FDX1: variants seen among roughly 807,000 people sequenced by gnomAD.
FDX1 encodes ferredoxin 1, also known as adrenodoxin, mitochondrial.
FDX1 carries 9 observed loss-of-function variants against 14.9 expected under a neutral mutation model. The ratio of observed to expected loss-of-function variants is 0.60; its 90% CI spans 0.36 to 1.05. The LOEUF (loss-of-function observed/expected upper bound fraction) is 1.05, where lower values mean the gene tolerates loss of function less well. Among genes scored for constraint, FDX1 ranks in the 50% least tolerant of loss-of-function variants. The pLI, the probability that FDX1 is intolerant of heterozygous loss-of-function variation, is 0.01. For missense variants in FDX1, 204 were observed against 237.2 expected (o/e 0.86, Z 0.92); for synonymous variants, 92 against 99.4 (o/e 0.93, Z 0.44).
At chr11:110,448,672 G>A (rs143693372) in intron 2 of FDX1, among the ~76,000 whole-genome samples, 1 of 152,116 alleles carries the variant, frequency 6.6e-6, no homozygotes, top group African/African-American at 2.4e-5. Flanking sequence ...AACAAAACTT[G>A]GTTCATGAGT....
At chr11:110,456,540 A>T in intron 2 of FDX1, among the ~76,000 whole-genome samples, 1 of 117,818 alleles carries the variant, frequency 8.5e-6, no homozygotes, top group South Asian at 2.8e-4. Flanking sequence ...TTTGAGACAG[A>T]GTCTTACTCT....
intron 2 of FDX1, among the ~76,000 whole-genome samples, chr11:110,449,818 G>A (rs1168341617): frequency 6.6e-6 from 1 of 152,056 alleles, no homozygotes; most frequent in East Asian, 1.9e-4. Context: ...AGTAAAGATG[G>A]GGTTTCACCA....
At chr11:110,432,112 TAGAC>T (rs1437982310) in intron 1 of FDX1, among the ~76,000 whole-genome samples, 12 of 152,220 alleles carry the variant, frequency 7.9e-5, no homozygotes, top group Admixed American at 2.0e-4. Context: ...AAAGTTCTTA[TAGAC>T]AGACAGAGCA....
At chr11:110,458,217 A>G (rs1325068690) in intron 3 of FDX1, among the ~76,000 whole-genome samples, 1 of 152,224 alleles carries the variant, frequency 6.6e-6, no homozygotes, top group Non-Finnish European at 1.5e-5. Context: ...AAAGAAAGGG[A>G]AAAGGGAGAG....
chr11:110,439,442 C>G (rs1249930883), intron 2 of FDX1, among the ~76,000 whole-genome samples: 1 of 152,038 alleles, frequency 6.6e-6, no homozygotes, highest in East Asian at 1.9e-4. Context: ...CTCCTGACCT[C>G]ATGATCTGCC....
chr11:110,457,873 G>C (rs1051714065), intron 3 of FDX1, among the ~76,000 whole-genome samples: 1 of 152,038 alleles, frequency 6.6e-6, no homozygotes, highest in East Asian at 1.9e-4. Flanking sequence ...ATTTAGAGAA[G>C]AAGAATCATT....
Position 110,430,049 on chromosome 11 carries a change from C to G in FDX1, c.-72C>G. 1 of 1,103,494 alleles carries G rather than the reference C, an allele frequency of 9.1e-7. No individual in the cohort carries two copies. The highest frequency in any genetic ancestry group is 1.1e-6 in the Non-Finnish European group (1 of 879,278). 68.4% of individuals were successfully genotyped at this position (1,103,494 alleles called of 1,614,324 possible). ...GGCGTCTGCGCCGCAGCTGCCGCCC[C>G]CGCCTCTTTGGAGTCTCTCGCGGCC... On this transcript the variant is annotated 5_prime_UTR_variant, in exon 1 of 4. Transcript: ENST00000260270.
chr11:110,453,742 T>C (rs1157701722), intron 2 of FDX1, among the ~76,000 whole-genome samples: 1 of 152,230 alleles, frequency 6.6e-6, no homozygotes, highest in African/African-American at 2.4e-5. Flanking sequence ...TTTTTAAATT[T>C]TTCTTTGAGC....
At chr11:110,455,138 C>CTGGG (rs1363780582) in intron 2 of FDX1, among the ~76,000 whole-genome samples, 1 of 152,130 alleles carries the variant, frequency 6.6e-6, no homozygotes, top group Non-Finnish European at 1.5e-5. Context: ...TCCCGAGTAG[C>CTGGG]TGGGATTACA....
rs1221388927 is a variant in FDX1 at position 110,434,729 on chromosome 11, T to TTG, written c.186-1104_186-1103insGT. Among the ~76,000 whole-genome samples, 276 of 131,224 alleles carry TTG rather than the reference T, an allele frequency of 2.1e-3. 1 individual carries two copies. The highest frequency in any genetic ancestry group is 3.7e-3 in the Non-Finnish European group (227 of 62,080). 86.1% of individuals were successfully genotyped at this position (131,224 alleles called of 152,430 possible). Reference sequence around the variant, plus strand: ...AGCTGTGTGATGACTTTTTTTGTTTTTTTTTTTTTTTTTTTTTTTGAGACA... The same window carrying TTG: ...AGCTGTGTGATGACTTTTTTTGTTTTTGTTTTTTTTTTTTTTTTTTTGAGACA... On this transcript the variant is annotated intron_variant, in intron 1 of 3. Transcript: ENST00000260270.
intron 2 of FDX1, among the ~76,000 whole-genome samples, chr11:110,444,714 A>G (rs1591250153): frequency 4.0e-5 from 3 of 75,622 alleles, no homozygotes; most frequent in African/African-American, 1.9e-4. Flanking sequence ...ACGTATATAT[A>G]TATATATACG....
chr11:110,429,874 G>C (rs551028494), upstream of FDX1: 245 of 320,914 alleles, frequency 7.6e-4, 1 homozygote, highest in African/African-American at 4.3e-3. Context: ...CCATGGGACC[G>C]GGCGGCGTGG....
At chr11:110,432,123 A>C (rs1946335858) in intron 1 of FDX1, among the ~76,000 whole-genome samples, 1 of 152,242 alleles carries the variant, frequency 6.6e-6, no homozygotes, top group Non-Finnish European at 1.5e-5. Flanking sequence ...AGACAGACAG[A>C]GCAGTTCTAG....
chr11:110,430,770 A>T (rs1196386528), intron 1 of FDX1, among the ~76,000 whole-genome samples: 1 of 151,968 alleles, frequency 6.6e-6, no homozygotes, highest in East Asian at 1.9e-4. Flanking sequence ...CTTTGAGAGG[A>T]CACCCAGGTC....
chr11:110,443,008 C>T (rs929294131), intron 2 of FDX1, among the ~76,000 whole-genome samples: 5 of 152,292 alleles, frequency 3.3e-5, no homozygotes, highest in East Asian at 1.9e-4. Flanking sequence ...CTCTGCCTGA[C>T]GCCATCCATG....
At chr11:110,434,334 ATTTT>A (rs1555068018) in intron 1 of FDX1, among the ~76,000 whole-genome samples, 1 of 126,408 alleles carries the variant, frequency 7.9e-6, no homozygotes, top group Non-Finnish European at 1.6e-5. Flanking sequence ...CGCCCTATTG[ATTTT>A]TTTTTTTTTT....
intron 2 of FDX1, among the ~76,000 whole-genome samples, chr11:110,438,292 T>A (rs549461974): frequency 9.8e-5 from 15 of 152,346 alleles, no homozygotes; most frequent in African/African-American, 3.4e-4. Flanking sequence ...TGCCAACATC[T>A]GTAATTTTTT....
intron 2 of FDX1, among the ~76,000 whole-genome samples, chr11:110,450,067 C>A (rs1946476666): frequency 6.6e-6 from 1 of 152,166 alleles, no homozygotes. Flanking sequence ...TGGCCCCCAA[C>A]CTTTTTGGCA....
intron 2 of FDX1, among the ~76,000 whole-genome samples, chr11:110,453,440 TTA>T (rs1946499360): frequency 4.0e-5 from 6 of 151,420 alleles, no homozygotes; most frequent in Admixed American, 3.3e-4. Context: ...TGGCAATATT[TTA>T]TGAGATAAAG....
Sources: gnomAD v4.1 joint callset for allele counts (sites outside exome capture counted in the v4.1 genomes callset) on GRCh38, gnomAD v4.1.1 for gene constraint, MANE v1.5 for transcripts, NCBI Gene and HGNC (gene_info 2026-07-23, HGNC 2026-07-21) for gene names.